MAP2K5: variants seen among roughly 807,000 people sequenced by gnomAD.
MAP2K5 encodes mitogen-activated protein kinase kinase 5.
A neutral mutation model predicts 83.1 loss-of-function variants in MAP2K5; 49 were observed. The observed-to-expected ratio is 0.59, with a 90% CI of 0.47 to 0.75. MAP2K5 has a LOEUF of 0.75. Among genes scored for constraint, MAP2K5 ranks in the 30% least tolerant of loss-of-function variants. The pLI, the probability that MAP2K5 is intolerant of heterozygous loss-of-function variation, is 0.00. For synonymous variants in MAP2K5, 202 were observed against 191.8 expected (o/e 1.05, Z -0.44); for missense variants, 457 against 557.5 (o/e 0.82, Z 1.82).
chr15:67,693,366 AT>A, intron 14 of MAP2K5, 151 bp from the exon 15 acceptor site: 1 of 640,830 alleles, frequency 1.6e-6, no homozygotes, highest in Non-Finnish European at 2.8e-6. Context: ...AGATTTAATC[AT>A]TTTTATTGCC....
intron 1 of MAP2K5, among the ~76,000 whole-genome samples, chr15:67,544,076 A>T (rs2084347397): frequency 6.6e-6 from 1 of 152,132 alleles, no homozygotes; most frequent in African/African-American, 2.4e-5. Flanking sequence ...TAATTTTTGT[A>T]TCTTGTAGAG....
chr15:67,653,730 A>G (rs967177419), intron 11 of MAP2K5, among the ~76,000 whole-genome samples: 3 of 146,982 alleles, frequency 2.0e-5, no homozygotes, highest in Non-Finnish European at 4.5e-5. Flanking sequence ...CTTTGAGTTT[A>G]GTTTTAGCTT....
At chr15:67,730,585 G>A (rs891438195) in intron 17 of MAP2K5, among the ~76,000 whole-genome samples, 10 of 152,170 alleles carry the variant, frequency 6.6e-5, no homozygotes, top group Non-Finnish European at 1.5e-4. Flanking sequence ...ATCTTACAAA[G>A]CATCCACAGG....
In MAP2K5 at chr15:67,703,372, T is replaced by C. The variant is rs2088469122; in HGVS notation, c.1008T>C (p.His336=). 6.2e-7 allele frequency: 1 copy of C among 1,613,742 alleles called. No homozygotes were observed. Among genetic ancestry groups the C allele is most frequent in the Non-Finnish European group, 8.5e-7 (1 of 1,179,686 alleles). Residue 336 remains histidine (H), a synonymous_variant, in exon 16 of 22, where the codon CAT becomes CAC. Transcript: ENST00000178640. ...ERISGEQYGI[H]SDVWSLGISF... ...TTTCAGGGGAGCAGTATGGAATTCA[T>C]TCTGATGTCTGGAGCTTAGGAATCT...
rs1213621240 is a variant in MAP2K5, at chr15:67,665,760, A to G, written c.847+1115A>G. 6.6e-6 allele frequency among the ~76,000 whole-genome samples: 1 copy of G among 152,190 alleles called. No individual in the cohort carries two copies. The highest frequency in any genetic ancestry group is 2.4e-5 in the African/African-American group (1 of 41,450). Reference sequence around the variant, plus strand: ...AGCCAGTCCACTCCATTTCTAGAGTATAGTTGGTGCGAAAGGTAGGTGTAG... The same window carrying G: ...AGCCAGTCCACTCCATTTCTAGAGTGTAGTTGGTGCGAAAGGTAGGTGTAG... On this transcript the variant is annotated intron_variant, in intron 13 of 21. Coordinates refer to ENST00000178640, the MANE Select transcript of MAP2K5 (RefSeq NM_145160.3). This position sits in a 1 kb window ranked among gnomAD's most constrained non-coding sequence, Gnocchi z 4.2.
chr15:67,721,878 T>C lies in MAP2K5; in HGVS notation c.1045-6038T>C, dbSNP rs1480445026. Among the ~76,000 whole-genome samples the C allele has an allele frequency of 5.9e-5, 9 of 152,346 alleles. No homozygotes were observed. In the South Asian group the frequency reaches 1.7e-3, roughly 28 times the overall value. On this transcript the variant is annotated intron_variant, in intron 16 of 21. Transcript: ENST00000178640. ...ACCAGTGATAAGCTAATTTCACAAA[T>C]GTAGATGGAAGGGTGTACACAGTTT...
At chr15:67,682,510 A>G (rs1452063993) in intron 13 of MAP2K5, among the ~76,000 whole-genome samples, 1 of 147,878 alleles carries the variant, frequency 6.8e-6, no homozygotes, top group African/African-American at 2.5e-5. Flanking sequence ...GGTGTGAGCC[A>G]CTGCGCCTGG....
intron 11 of MAP2K5, among the ~76,000 whole-genome samples, chr15:67,656,820 AT>A (rs894805550): frequency 6.6e-6 from 1 of 152,134 alleles, no homozygotes; most frequent in Admixed American, 6.5e-5. Context: ...AACAGTTGCC[AT>A]TTTTGATAGA....
At position 67,574,751 on chromosome 15, in the gene MAP2K5, C is replaced by T. The variant is rs191930959; in HGVS notation, c.253-6003C>T. On this transcript the variant is annotated intron_variant, in intron 3 of 21. Transcript: ENST00000178640. ...GCGTGGTGTCGGGCGCCTGTAGTCC[C>T]AGCTACTCAGGAGGCTGAGACAGGA... is the stretch of plus-strand genomic sequence containing the variant. Among the ~76,000 whole-genome samples the T allele has an allele frequency of 3.9e-5, 6 of 151,992 alleles. No homozygotes were observed. The East Asian group carries it at 9.6e-4, about 24-fold the overall frequency.
chr15:67,605,873 C>T (rs201920307), intron 8 of MAP2K5, among the ~76,000 whole-genome samples: 2 of 152,174 alleles, frequency 1.3e-5, no homozygotes, highest in East Asian at 1.9e-4. Context: ...AGCTACTTTG[C>T]GAGGCTGTAC....
chr15:67,646,954 TCCTTC>T (rs1480373681), intron 11 of MAP2K5, among the ~76,000 whole-genome samples: 1 of 152,230 alleles, frequency 6.6e-6, no homozygotes. Flanking sequence ...TTTAGCCCTT[TCCTTC>T]CCTCTCTATT....
chr15:67,767,730 C>T (rs924075325), intron 19 of MAP2K5, among the ~76,000 whole-genome samples: 16 of 152,042 alleles, frequency 1.1e-4, no homozygotes, highest in African/African-American at 3.9e-4. Context: ...ATTTTATATA[C>T]CTTTATTGAG....
At chr15:67,700,391 G>C (rs183344812) in intron 15 of MAP2K5, among the ~76,000 whole-genome samples, 3 of 152,344 alleles carry the variant, frequency 2.0e-5, no homozygotes, top group Admixed American at 1.3e-4. Context: ...TTAGACAAGA[G>C]TCATGTTTTT....
intron 21 of MAP2K5, among the ~76,000 whole-genome samples, chr15:67,792,415 GAAAAA>G (rs1301538547): frequency 2.0e-5 from 3 of 152,156 alleles, no homozygotes; most frequent in Non-Finnish European, 2.9e-5. Context: ...ACCAGGACTT[GAAAAA>G]TGTTGCTCTG....
At chr15:67,754,893 AT>A (rs1343674802) in intron 19 of MAP2K5, among the ~76,000 whole-genome samples, 3 of 152,130 alleles carry the variant, frequency 2.0e-5, no homozygotes, top group African/African-American at 7.2e-5. Flanking sequence ...TGAAATCTGT[AT>A]TTTTTTCTAA....
chr15:67,549,922 A>G, intron 1 of MAP2K5, 112 bp from the exon 2 acceptor site: 1 of 766,978 alleles, frequency 1.3e-6, no homozygotes, highest in Non-Finnish European at 2.3e-6. Flanking sequence ...TTTATAGTTT[A>G]TGCTAACGTT....
At chr15:67,732,961 G>A (rs112088622) in intron 17 of MAP2K5, among the ~76,000 whole-genome samples, 2 of 152,064 alleles carry the variant, frequency 1.3e-5, no homozygotes, top group South Asian at 4.1e-4. Flanking sequence ...CTGTGGGGAG[G>A]GGGGGCTTAA....
chr15:67,592,796 T>C (rs957116328), intron 6 of MAP2K5, 130 bp from the exon 7 acceptor site: 13 of 659,586 alleles, frequency 2.0e-5, no homozygotes, highest in Admixed American at 3.3e-5. Context: ...AAAATTTACA[T>C]TGGGAGAAGG....
chr15:67,748,171 A>C lies in MAP2K5; in HGVS notation c.1075-60A>C. ...GCAATAATTTTCTCTCAGTGATCAT[A>C]ATGTGTCCAAGTGAGTCATTTTGAT... On this transcript the variant is annotated intron_variant, in intron 17 of 21. Coordinates refer to ENST00000178640, the MANE Select transcript of MAP2K5 (RefSeq NM_145160.3). This position sits in a 1 kb window ranked among gnomAD's most constrained non-coding sequence, Gnocchi z 4.0. 8.1e-7 allele frequency: 1 copy of C among 1,232,880 alleles called. No homozygotes were observed. The highest frequency in any genetic ancestry group is 1.2e-6 in the Non-Finnish European group (1 of 844,300). 76.4% of individuals were successfully genotyped at this position (1,232,880 alleles called of 1,614,324 possible).
Sources: gnomAD v4.1 joint callset for allele counts (sites outside exome capture counted in the v4.1 genomes callset) on GRCh38, gnomAD v4.1.1 for gene constraint, Gnocchi (gnomAD v3.1) non-coding constraint, MANE v1.5 for transcripts, NCBI Gene and HGNC (gene_info 2026-07-23, HGNC 2026-07-21) for gene names.